Variants in HMCN2 observed in about 807,000 individuals in gnomAD.
HMCN2 encodes hemicentin-2.
A neutral mutation model predicts 377.5 loss-of-function variants in HMCN2; 325 were observed. The observed-to-expected ratio is 0.86, with a 90% CI of 0.79 to 0.94. HMCN2 has a LOEUF of 0.94. HMCN2 is among the 40% of genes least tolerant of loss of function. The pLI, the probability that HMCN2 is intolerant of heterozygous loss-of-function variation, is 0.00. For missense variants in HMCN2, 4,543 were observed against 4,725.3 expected (o/e 0.96, Z 1.13); for synonymous variants, 2,007 against 2,046.8 (o/e 0.98, Z 0.53).
chr9:130,310,829 C>T (rs1280474070), intron 15 of HMCN2, among the ~76,000 whole-genome samples: 1 of 152,132 alleles, frequency 6.6e-6, no homozygotes, highest in African/African-American at 2.4e-5. Context: ...TGCCATGGAG[C>T]CTCAGTTTCT....
intron 14 of HMCN2, among the ~76,000 whole-genome samples, chr9:130,307,836 G>A (rs1554937429): frequency 6.6e-6 from 1 of 152,208 alleles, no homozygotes; most frequent in South Asian, 2.1e-4. Context: ...CCCTGGGCAC[G>A]TGACTTGGCA....
intron 59 of HMCN2, among the ~76,000 whole-genome samples, chr9:130,385,075 A>G (rs1841948073): frequency 6.6e-6 from 1 of 152,198 alleles, no homozygotes; most frequent in Admixed American, 6.5e-5. Context: ...CTTGGGGAAA[A>G]GCTGGCCCAA....
intron 81 of HMCN2, 21 bp downstream of exon 81, chr9:130,405,080 G>A (rs1328798247): frequency 7.9e-7 from 1 of 1,268,116 alleles, no homozygotes; most frequent in South Asian, 1.3e-5. Flanking sequence ...GCCCCAAGGG[G>A]CACAGCAGGG....
chr9:130,320,314 G>C (rs1319540333), intron 16 of HMCN2, 42 bp from the exon 17 acceptor site: 1 of 152,300 alleles, frequency 6.6e-6, no homozygotes, highest in African/African-American at 2.4e-5. Context: ...TGCAGCTGTG[G>C]TGTGCCTTGG....
intron 48 of HMCN2, 130 bp downstream of exon 48, chr9:130,373,254 G>GACTCGGCACCAGGTCCCAGCTCATCTTT (rs1185204381): frequency 6.1e-6 from 1 of 164,142 alleles, no homozygotes; most frequent in Non-Finnish European, 1.3e-5. Flanking sequence ...CTACATCTTG[G>GACTCGGCACCAGGTCCCAGCTCATCTTT]ACTCGGCACC....
rs1351623898 is a variant in HMCN2 at position 130,355,002 on chromosome 9, C to T, written c.5104C>T (p.Pro1702Ser). The change falls in exon 32 of 98, where the codon CCT (proline) becomes TCT (serine). Residue 1702 changes from proline (P) to serine (S), a missense_variant. Coordinates refer to ENST00000683500, the MANE Select transcript of HMCN2 (RefSeq NM_001291815.2). ...SGLYSCVASS[P>S]AGEAVLQYSV... ...CCTGTACAGCTGTGTGGCCAGCAGT[C>T]CTGCCGGGGAAGCCGTCCTGCAGTA... 3.1e-6 allele frequency: 4 copies of T among 1,294,832 alleles called. No homozygotes were observed. Among genetic ancestry groups the T allele is most frequent in the South Asian group, 2.5e-5 (2 of 80,956 alleles). 80.2% of individuals were successfully genotyped at this position (1,294,832 alleles called of 1,614,324 possible).
In HMCN2 at chr9:130,365,642, C is replaced by T. The variant is rs1412988770; in HGVS notation, c.6420C>T (p.Ala2140=). The T allele has an allele frequency of 4.1e-6, 4 of 985,880 alleles. No individual in the cohort carries two copies. Among genetic ancestry groups the T allele is most frequent in the East Asian group, 1.1e-4 (1 of 8,832 alleles). 61.1% of individuals were successfully genotyped at this position (985,880 alleles called of 1,614,324 possible). ...TTGCTCTCTGCCAGGTGGACAGAGCCGATGTGTGGGATGCGGGCCATTACA... is the reference window on the plus strand; with the variant it reads ...TTGCTCTCTGCCAGGTGGACAGAGCTGATGTGTGGGATGCGGGCCATTACA... ...ADKALLQVDR[A]DVWDAGHYTC... Residue 2140 remains alanine, a synonymous_variant, in exon 42 of 98, where the codon GCC becomes GCT. Transcript: ENST00000683500.
Position 130,426,965 on chromosome 9 carries a change from C to G in HMCN2, c.13880-348C>G, listed in dbSNP as rs776464032. On this transcript the variant is annotated intron_variant, in intron 90 of 97. Transcript: ENST00000683500. ...GCTTTTGCTGCCCGTCTGACGCTATCCTCTGCCCCTCCGCACGGTCTCTGT... is the reference window on the plus strand; with the variant it reads ...GCTTTTGCTGCCCGTCTGACGCTATGCTCTGCCCCTCCGCACGGTCTCTGT... 1.2e-4 allele frequency among the ~76,000 whole-genome samples: 19 copies of G among 152,170 alleles called. 1 individual carries two copies. Among genetic ancestry groups the G allele is most frequent in the Non-Finnish European group, 1.6e-4 (11 of 68,036 alleles).
intron 22 of HMCN2, among the ~76,000 whole-genome samples, chr9:130,331,940 C>T (rs1027283549): frequency 6.6e-5 from 10 of 152,304 alleles, no homozygotes; most frequent in Admixed American, 2.0e-4. Flanking sequence ...GATACCCCCA[C>T]CACCCTCCTC....
At chr9:130,343,072 GT>G (rs1454442846) in intron 25 of HMCN2, among the ~76,000 whole-genome samples, 1 of 152,210 alleles carries the variant, frequency 6.6e-6, no homozygotes, top group Admixed American at 6.5e-5. Context: ...TGGGAACTCA[GT>G]GGGACCCCAC....
At chr9:130,367,064 G>C (rs1840731314) in intron 43 of HMCN2, among the ~76,000 whole-genome samples, 1 of 152,150 alleles carries the variant, frequency 6.6e-6, no homozygotes, top group East Asian at 1.9e-4. Flanking sequence ...CCCAGGCGGA[G>C]GTAAGGGTAA....
chr9:130,298,621 C>T lies in HMCN2; in HGVS notation c.1013-404C>T, dbSNP rs574485114. Among the ~76,000 whole-genome samples, 12 of 152,242 alleles carry T rather than the reference C, an allele frequency of 7.9e-5. No individual in the cohort carries two copies. The South Asian group carries it at 1.9e-3, about 24-fold the overall frequency. On this transcript the variant is annotated intron_variant, in intron 7 of 97. Transcript: ENST00000683500. ...AAGAAAACCAAAGAAAACCTGAACACGGGGAGAGTCTGGTCAGAAGTTGGA... is the reference window on the plus strand; with the variant it reads ...AAGAAAACCAAAGAAAACCTGAACATGGGGAGAGTCTGGTCAGAAGTTGGA...
intron 77 of HMCN2, 68 bp from the exon 78 acceptor site, chr9:130,402,721 A>G: frequency 1.0e-6 from 1 of 994,106 alleles, no homozygotes; most frequent in Non-Finnish European, 1.4e-6. Context: ...GGGGTTGTGT[A>G]GGAGCCCTGC....
intron 24 of HMCN2, among the ~76,000 whole-genome samples, chr9:130,342,010 TTAAAA>T (rs1414735485): frequency 1.4e-4 from 10 of 69,112 alleles, no homozygotes. Context: ...ACCCCATCTC[TTAAAA>T]TAAATAAATA....
Position 130,393,872 on chromosome 9 carries a change from CTTG to C in HMCN2, c.10370_10372del (p.Leu3457del), listed in dbSNP as rs2131684711. The C allele has an allele frequency of 7.8e-7, 1 of 1,289,614 alleles. No individual in the cohort carries two copies. Among genetic ancestry groups the C allele is most frequent in the Non-Finnish European group, 1.0e-6 (1 of 988,784 alleles). The allele number at this position is 1,289,614 out of a possible 1,614,324, so 79.9% of individuals were successfully genotyped here. On this transcript the variant is annotated inframe_deletion, in exon 68 of 98. Coordinates refer to ENST00000683500, the MANE Select transcript of HMCN2 (RefSeq NM_001291815.2). This position sits in a 1 kb window ranked among gnomAD's most constrained non-coding sequence, Gnocchi z 5.2. ...TGTCGTGGATGAAGGATGGGGAACCCTTGTTGTCCCAGAGCCTCGAGCAGGGGC... is the reference window on the plus strand; with the variant it reads ...TGTCGTGGATGAAGGATGGGGAACCCTTGTCCCAGAGCCTCGAGCAGGGGC...
intron 6 of HMCN2, among the ~76,000 whole-genome samples, chr9:130,296,286 G>A (rs13440307): frequency 0.23 from 35,392 of 152,144 alleles, 4,972 homozygotes; most frequent in East Asian, 0.48. Context: ...CACTGTGCTA[G>A]GTGTTGCAGG....
At chr9:130,415,430 T>C (rs777490981) in intron 85 of HMCN2, among the ~76,000 whole-genome samples, 29 of 152,024 alleles carry the variant, frequency 1.9e-4, no homozygotes, top group Non-Finnish European at 3.8e-4. Context: ...CTTGACCTCC[T>C]GGGCTCAAGC....
intron 86 of HMCN2, among the ~76,000 whole-genome samples, chr9:130,420,061 A>G (rs969718941): frequency 8.0e-6 from 1 of 124,938 alleles, no homozygotes; most frequent in Non-Finnish European, 1.6e-5. Flanking sequence ...GCTTCGTCCC[A>G]CTTCTTTTTT....
At position 130,394,866 on chromosome 9, in the gene HMCN2, A is replaced by G. The variant is rs1842522407; in HGVS notation, c.10693-161A>G. The stretch of plus-strand genomic sequence containing the variant: ...GGCATCACACCAGCCCTAAAGCAAC[A>G]GTGAGATGGAGGGAGAGGGCGTGGG... On this transcript the variant is annotated intron_variant, in intron 69 of 97. Transcript: ENST00000683500. The surrounding 1 kb of genome is among the most constrained non-coding windows in gnomAD (Gnocchi z 5.1). 6.6e-6 allele frequency among the ~76,000 whole-genome samples: 1 copy of G among 152,174 alleles called. No homozygotes were observed. The highest frequency in any genetic ancestry group is 1.5e-5 in the Non-Finnish European group (1 of 68,028).
Sources: gnomAD v4.1 joint callset for allele counts (sites outside exome capture counted in the v4.1 genomes callset) on GRCh38, gnomAD v4.1.1 for gene constraint, Gnocchi (gnomAD v3.1) non-coding constraint, MANE v1.5 for transcripts, NCBI Gene and HGNC (gene_info 2026-07-23, HGNC 2026-07-21) for gene names.